The following DLG2 variants were observed in gnomAD, a reference collection of about 807,000 sequenced individuals.
The protein encoded by DLG2 is disks large homolog 2.
A neutral mutation model predicts 132.5 loss-of-function variants in DLG2; 45 were observed. The observed-to-expected ratio is 0.34, with a 90% CI of 0.27 to 0.44. DLG2 has a LOEUF of 0.44. Ranked by LOEUF, DLG2 falls within the 20% of genes least tolerant of loss-of-function variation. DLG2 has a pLI of 1.00. For synonymous variants in DLG2, 424 were observed against 419.6 expected, an observed-to-expected ratio of 1.01 and a Z score of -0.13; for missense variants, 1,045 against 1,196.9, an observed-to-expected ratio of 0.87 and a Z score of 1.87.
chr11:83,966,393 A>G (rs1270659716), intron 12 of DLG2, among the ~76,000 whole-genome samples: 1 of 151,932 alleles, frequency 6.6e-6, no homozygotes, highest in African/African-American at 2.4e-5. Context: ...CCCTATTGTC[A>G]TTGTGTTAAC....
intron 6 of DLG2, among the ~76,000 whole-genome samples, chr11:84,769,658 C>T (rs567240438): frequency 6.6e-6 from 1 of 152,164 alleles, no homozygotes; most frequent in South Asian, 2.1e-4. Context: ...ACAAAACAAA[C>T]ATCACCAAGG....
chr11:85,309,576 A>T (rs566353608), intron 3 of DLG2, among the ~76,000 whole-genome samples: 1 of 152,312 alleles, frequency 6.6e-6, no homozygotes, highest in South Asian at 2.1e-4. Context: ...TGAAACATAT[A>T]GTCATTACCA....
chr11:85,005,214 T>C (rs1211521259), intron 6 of DLG2, among the ~76,000 whole-genome samples: 2 of 152,192 alleles, frequency 1.3e-5, no homozygotes, highest in East Asian at 1.9e-4. Context: ...ATACAGGCTG[T>C]TGTTTGGTTC....
intron 6 of DLG2, among the ~76,000 whole-genome samples, chr11:84,751,955 T>C (rs1597320185): frequency 6.6e-6 from 1 of 152,336 alleles, no homozygotes; most frequent in South Asian, 2.1e-4. Context: ...GCAAGTGTTG[T>C]ACTATTTCAC....
At chr11:83,540,234 T>A (rs1358248656) in intron 20 of DLG2, among the ~76,000 whole-genome samples, 3 of 152,182 alleles carry the variant, frequency 2.0e-5, no homozygotes, top group Non-Finnish European at 4.4e-5. Context: ...TGTCTTGACA[T>A]TTTATTTGAA....
chr11:84,465,257 T>C (rs988930173), intron 7 of DLG2, among the ~76,000 whole-genome samples: 11 of 151,204 alleles, frequency 7.3e-5, no homozygotes, highest in African/African-American at 2.7e-4. Flanking sequence ...CCCACCAAGA[T>C]CACAGAAGCA....
At chr11:84,793,624 T>A (rs1177702748) in intron 6 of DLG2, among the ~76,000 whole-genome samples, 1 of 152,238 alleles carries the variant, frequency 6.6e-6, no homozygotes, top group African/African-American at 2.4e-5. Context: ...CATATCCTCT[T>A]GCTGTACGGA....
intron 21 of DLG2, among the ~76,000 whole-genome samples, chr11:83,495,245 G>T: frequency 6.6e-6 from 1 of 152,110 alleles, no homozygotes; most frequent in East Asian, 1.9e-4. Flanking sequence ...CTGTTGGAGT[G>T]GGGGAGGTAT....
chr11:83,459,796 T>C lies in DLG2; in HGVS notation c.*22A>G, dbSNP rs1276085735. ...GTTCTTCTAAATGCTCTTCTGTCGT[T>C]GTCAGAGGCGCAGTAGCTAATTTAT... On this transcript the variant is annotated 3_prime_UTR_variant, in exon 28 of 28. Coordinates refer to ENST00000376104, the MANE Select transcript of DLG2 (RefSeq NM_001142699.3). 1.6e-6 allele frequency: 2 copies of C among 1,284,006 alleles called. No individual in the cohort carries two copies. Among genetic ancestry groups the C allele is most frequent in the Non-Finnish European group, 2.3e-6 (2 of 879,536 alleles). The allele number at this position is 1,284,006 out of a possible 1,614,324, so 79.5% of individuals were successfully genotyped here.
At chr11:84,913,667 G>A (rs971842820) in intron 6 of DLG2, among the ~76,000 whole-genome samples, 1 of 151,886 alleles carries the variant, frequency 6.6e-6, no homozygotes, top group Admixed American at 6.6e-5. Flanking sequence ...ATATATATAG[G>A]ATAAAAGAAT....
At chr11:84,377,744 G>A (rs554761173) in intron 7 of DLG2, among the ~76,000 whole-genome samples, 1 of 152,162 alleles carries the variant, frequency 6.6e-6, no homozygotes, top group Non-Finnish European at 1.5e-5. Context: ...CAAAATACAA[G>A]GTGAAATATT....
chr11:85,342,703 G>A lies in DLG2; in HGVS notation c.41-57338C>T, dbSNP rs536765670. Among the ~76,000 whole-genome samples the A allele has an allele frequency of 1.3e-5, 2 of 152,236 alleles. 1 individual carries two copies. Among genetic ancestry groups the A allele is most frequent in the South Asian group, 4.1e-4 (2 of 4,826 alleles). ...ATACAACTGGCAGCACGGTAGGTTTGTTTATACCAGCATCGCCACAAACGC... is the reference window on the plus strand; with the variant it reads ...ATACAACTGGCAGCACGGTAGGTTTATTTATACCAGCATCGCCACAAACGC... On this transcript the variant is annotated intron_variant, in intron 3 of 27. Transcript: ENST00000376104.
At chr11:85,599,596 G>A (rs146473701) in intron 2 of DLG2, among the ~76,000 whole-genome samples, 23 of 152,180 alleles carry the variant, frequency 1.5e-4, no homozygotes, top group African/African-American at 4.8e-4. Context: ...GTTATGATTA[G>A]ACAATATATG....
chr11:85,023,238 TG>T (rs2154141056), intron 6 of DLG2, among the ~76,000 whole-genome samples: 1 of 152,180 alleles, frequency 6.6e-6, no homozygotes, highest in African/African-American at 2.4e-5. Flanking sequence ...ACAGTAACAC[TG>T]GAGCTCTCAG....
At chr11:85,208,366 C>T (rs1022497221) in intron 4 of DLG2, among the ~76,000 whole-genome samples, 1 of 152,158 alleles carries the variant, frequency 6.6e-6, no homozygotes, top group East Asian at 1.9e-4. Context: ...TTTCAAATTT[C>T]ACTCTCTCTT....
At chr11:84,063,748 T>G (rs1435823295) in intron 10 of DLG2, among the ~76,000 whole-genome samples, 1 of 152,010 alleles carries the variant, frequency 6.6e-6, no homozygotes, top group East Asian at 1.9e-4. Flanking sequence ...ATTAAGAAAA[T>G]ATGGCACATA....
At chr11:84,639,653 T>C (rs576618478) in intron 6 of DLG2, among the ~76,000 whole-genome samples, 4 of 152,316 alleles carry the variant, frequency 2.6e-5, no homozygotes, top group African/African-American at 9.6e-5. Context: ...GTACTACCTC[T>C]GGAGTCCTAA....
intron 8 of DLG2, among the ~76,000 whole-genome samples, chr11:84,172,208 G>A (rs2095840845): frequency 6.6e-6 from 1 of 152,120 alleles, no homozygotes; most frequent in Admixed American, 6.5e-5. Context: ...GTTATTTTAT[G>A]AATACTATGA....
intron 9 of DLG2, among the ~76,000 whole-genome samples, chr11:84,107,145 G>A (rs1230223594): frequency 6.6e-6 from 1 of 151,872 alleles, no homozygotes; most frequent in Non-Finnish European, 1.5e-5. Flanking sequence ...GAAGCCCCTG[G>A]GAAAGGGAGA....
Sources: gnomAD v4.1 joint callset for allele counts (sites outside exome capture counted in the v4.1 genomes callset) on GRCh38, gnomAD v4.1.1 for gene constraint, MANE v1.5 for transcripts, NCBI Gene and HGNC (gene_info 2026-07-23, HGNC 2026-07-21) for gene names.